HS6ST3: variants seen among roughly 807,000 people sequenced by gnomAD.
HS6ST3 encodes the protein heparan sulfate 6-O-sulfotransferase 3, also known as heparan-sulfate 6-O-sulfotransferase 3.
HS6ST3 carries 12 observed loss-of-function variants against 36.7 expected under a neutral mutation model. That is an observed-to-expected ratio of 0.33 (90% CI 0.21 to 0.53). HS6ST3 has a LOEUF of 0.53. Among genes scored for constraint, HS6ST3 ranks in the 20% least tolerant of loss-of-function variants. The probability of loss-of-function intolerance (pLI) is 0.95; values close to 1 mark genes in which losing one functional copy is unlikely to be tolerated. For synonymous variants in HS6ST3, 240 were observed against 257.5 expected (o/e 0.93, Z 0.65); for missense variants, 584 against 640.9 (o/e 0.91, Z 0.96).
intron 1 of HS6ST3, among the ~76,000 whole-genome samples, chr13:96,182,991 T>C (rs1566901793): frequency 6.6e-6 from 1 of 152,218 alleles, no homozygotes; most frequent in Admixed American, 6.5e-5. Context: ...AGCCTCCTCC[T>C]GGGTGAATTA....
chr13:96,483,481 A>G (rs1051454878), intron 1 of HS6ST3, among the ~76,000 whole-genome samples: 17 of 152,350 alleles, frequency 1.1e-4, no homozygotes, highest in South Asian at 6.2e-4. Context: ...CTGCAAGGTC[A>G]TATGAAGTGA....
chr13:96,609,380 A>C (rs904853133), intron 1 of HS6ST3, among the ~76,000 whole-genome samples: 6 of 152,176 alleles, frequency 3.9e-5, no homozygotes, highest in Non-Finnish European at 7.3e-5. Flanking sequence ...TGCTGGTTAT[A>C]CCTTGAAGAT....
chr13:96,382,278 A>G (rs1408053350), intron 1 of HS6ST3, among the ~76,000 whole-genome samples: 2 of 152,212 alleles, frequency 1.3e-5, no homozygotes, highest in South Asian at 2.1e-4. Flanking sequence ...GTCTTATACC[A>G]TACTCTTTGA....
chr13:96,284,916 T>TTGCC (rs1390088114), intron 1 of HS6ST3, among the ~76,000 whole-genome samples: 2 of 62,034 alleles, frequency 3.2e-5, no homozygotes, highest in Non-Finnish European at 6.9e-5. Context: ...ATTTGCTTTC[T>TTGCC]TTCTTTCTTT....
At chr13:96,357,838 G>A (rs2055217740) in intron 1 of HS6ST3, among the ~76,000 whole-genome samples, 2 of 152,128 alleles carry the variant, frequency 1.3e-5, no homozygotes, top group South Asian at 2.1e-4. Context: ...ACCATCTCAC[G>A]TGGGCTTGGT....
At chr13:96,653,027 T>C (rs2056612861) in intron 1 of HS6ST3, among the ~76,000 whole-genome samples, 1 of 152,008 alleles carries the variant, frequency 6.6e-6, no homozygotes, top group African/African-American at 2.4e-5. Flanking sequence ...TTTTAAAAAA[T>C]GTTTTGTTTA....
intron 1 of HS6ST3, among the ~76,000 whole-genome samples, chr13:96,383,427 T>C (rs2055351546): frequency 6.6e-6 from 1 of 151,576 alleles, no homozygotes; most frequent in Non-Finnish European, 1.5e-5. Context: ...CCTGGGTGAT[T>C]GAGCAAGACT....
At chr13:96,317,738 C>A (rs2054983212) in intron 1 of HS6ST3, among the ~76,000 whole-genome samples, 1 of 143,598 alleles carries the variant, frequency 7.0e-6, no homozygotes, top group Non-Finnish European at 1.5e-5. Flanking sequence ...TTTTTTTTTA[C>A]TTTTTGTAAT....
intron 1 of HS6ST3, among the ~76,000 whole-genome samples, chr13:96,276,029 G>T (rs1340171519): frequency 6.6e-6 from 1 of 151,984 alleles, no homozygotes; most frequent in East Asian, 1.9e-4. Flanking sequence ...TTCCCATCAT[G>T]CCTTGCCTCT....
intron 1 of HS6ST3, among the ~76,000 whole-genome samples, chr13:96,112,465 G>A (rs540790345): frequency 2.0e-5 from 3 of 150,812 alleles, no homozygotes; most frequent in African/African-American, 7.3e-5. Flanking sequence ...AGATGTGGTG[G>A]CCCACACCTG....
intron 1 of HS6ST3, among the ~76,000 whole-genome samples, chr13:96,193,033 C>T (rs1223384279): frequency 3.3e-5 from 5 of 152,150 alleles, no homozygotes; most frequent in African/African-American, 4.8e-5. Flanking sequence ...AATTGCAGAG[C>T]TGCCAAGTCC....
At chr13:96,320,462 C>G (rs1052430570) in intron 1 of HS6ST3, among the ~76,000 whole-genome samples, 2 of 152,156 alleles carry the variant, frequency 1.3e-5, no homozygotes, top group Non-Finnish European at 2.9e-5. Flanking sequence ...TACAATTGTA[C>G]ATAAGCAGTG....
intron 1 of HS6ST3, among the ~76,000 whole-genome samples, chr13:96,112,432 A>G (rs375954653): frequency 1.3e-5 from 2 of 151,568 alleles, no homozygotes; most frequent in East Asian, 1.9e-4. Flanking sequence ...AGATTTATCT[A>G]TATTTAAATG....
At chr13:96,723,786 A>G (rs1052078847) in intron 1 of HS6ST3, among the ~76,000 whole-genome samples, 1 of 152,168 alleles carries the variant, frequency 6.6e-6, no homozygotes, top group African/African-American at 2.4e-5. Context: ...GGCATTTTAC[A>G]TGACATTTCT....
At chr13:96,775,462 G>A (rs995122365) in intron 1 of HS6ST3, among the ~76,000 whole-genome samples, 1 of 151,102 alleles carries the variant, frequency 6.6e-6, no homozygotes, top group African/African-American at 2.4e-5. Flanking sequence ...ACACACATAG[G>A]CTCAAAATAA....
At chr13:96,312,852 T>C (rs1242157358) in intron 1 of HS6ST3, among the ~76,000 whole-genome samples, 2 of 147,876 alleles carry the variant, frequency 1.4e-5, no homozygotes, top group East Asian at 4.0e-4. Context: ...CTTAGGAGGC[T>C]CAGGCATGAG....
At chr13:96,546,949 A>G (rs2056200235) in intron 1 of HS6ST3, among the ~76,000 whole-genome samples, 1 of 152,196 alleles carries the variant, frequency 6.6e-6, no homozygotes, top group Non-Finnish European at 1.5e-5. Flanking sequence ...ATTTACCTTT[A>G]CAAATGTTAG....
At chr13:96,760,355 G>A in intron 1 of HS6ST3, among the ~76,000 whole-genome samples, 1 of 151,662 alleles carries the variant, frequency 6.6e-6, no homozygotes, top group Non-Finnish European at 1.5e-5. Context: ...GACTTCATAT[G>A]GAATTATTGA....
chr13:96,681,473 T>C (rs1317325579), intron 1 of HS6ST3, among the ~76,000 whole-genome samples: 1 of 152,184 alleles, frequency 6.6e-6, no homozygotes, highest in Non-Finnish European at 1.5e-5. Context: ...AAAAGCAAAC[T>C]GATCCTATCA....
Sources: gnomAD v4.1 joint callset for allele counts (sites outside exome capture counted in the v4.1 genomes callset) on GRCh38, gnomAD v4.1.1 for gene constraint, MANE v1.5 for transcripts, NCBI Gene and HGNC (gene_info 2026-07-23, HGNC 2026-07-21) for gene names.